Variants in GYS1 observed in about 807,000 individuals in gnomAD.
GYS1 encodes the protein glycogen synthase 1.
Under a neutral mutation model 89.1 loss-of-function variants are expected in GYS1, and 60 were observed. The observed-to-expected ratio is 0.67, with a 90% CI of 0.55 to 0.84. GYS1 has a LOEUF of 0.84. Among genes scored for constraint, GYS1 ranks in the 40% least tolerant of loss-of-function variants. The pLI, the probability that GYS1 is intolerant of heterozygous loss-of-function variation, is 0.00. For missense variants in GYS1, 888 were observed against 1,003.1 expected, an observed-to-expected ratio of 0.89 and a Z score of 1.55; for synonymous variants, 366 against 401.7, an observed-to-expected ratio of 0.91 and a Z score of 1.06.
intron 8 of GYS1, among the ~76,000 whole-genome samples, chr19:48,979,336 CTTTTTTTTTTTTTTTTTTTTTTTTTTT>C (rs777178030): frequency 3.0e-4 from 28 of 92,772 alleles, no homozygotes; most frequent in African/African-American, 8.7e-4. Context: ...TTTTTCTTTT[CTTTTTTTTTTTTTTTTTTTTTTTTTTT>C]TTTTTTTTTT....
intron 5 of GYS1, among the ~76,000 whole-genome samples, chr19:48,985,043 G>A (rs1019513449): frequency 6.6e-6 from 1 of 151,990 alleles, no homozygotes; most frequent in East Asian, 1.9e-4. Context: ...TTTATTTTTT[G>A]AGACAGGGTC....
At chr19:48,970,170 A>G (rs939653431) in intron 14 of GYS1, 5 of 475,870 alleles carry the variant, frequency 1.1e-5, no homozygotes, top group African/African-American at 9.8e-5. Context: ...TTACTCTAGG[A>G]TGGAGTGCAG....
In GYS1 at chr19:48,985,512, C is replaced by CAGT. The variant is rs2038828987; in HGVS notation, c.769_771dup (p.Thr257dup). 3 of 1,614,036 alleles carry CAGT rather than the reference C, an allele frequency of 1.9e-6. No individual in the cohort carries two copies. Among genetic ancestry groups the CAGT allele is most frequent in the Non-Finnish European group, 2.5e-6 (3 of 1,180,050 alleles). On this transcript the variant is annotated inframe_insertion, in exon 5 of 16. Coordinates refer to ENST00000323798, the MANE Select transcript of GYS1 (RefSeq NM_002103.5). ...GCCTCGATGGCGGTGATCTGGGACA[C>CAGT]AGTAGTGAAGACGTGAGCGCAGTGG...
intron 3 of GYS1, 45 bp downstream of exon 3, chr19:48,987,149 C>T (rs772422251): frequency 1.6e-5 from 22 of 1,369,184 alleles, no homozygotes; most frequent in Non-Finnish European, 2.3e-5. Context: ...GGCTGATGGT[C>T]ATTGTAGTTT....
intron 12 of GYS1, 55 bp from the exon 13 acceptor site, chr19:48,971,078 A>T (rs2038558280): frequency 6.6e-6 from 8 of 1,220,738 alleles, no homozygotes; most frequent in Non-Finnish European, 9.7e-6. Flanking sequence ...CTACCGTCTT[A>T]ATCGCAATAG....
rs760988313 is a variant in GYS1 at position 48,991,498 on chromosome 19, G to A, written c.119-15C>T. 2.0e-5 allele frequency: 32 copies of A among 1,613,064 alleles called. No individual in the cohort carries two copies. Among genetic ancestry groups the A allele is most frequent in the South Asian group, 5.5e-5 (5 of 91,062 alleles). On this transcript the variant is annotated splice_polypyrimidine_tract_variant and intron_variant, in intron 1 of 15. Coordinates refer to ENST00000323798, the MANE Select transcript of GYS1 (RefSeq NM_002103.5). This position sits in a 1 kb window ranked among gnomAD's most constrained non-coding sequence, Gnocchi z 4.7. The stretch of plus-strand genomic sequence containing the variant: ...GATGCCACCCACTGTGGGCCCAAGC[G>A]TGTGAGGGCAGGCCCCGGCCGAGGT...
chr19:48,973,505 A>ATTTTTT (rs34032782), intron 12 of GYS1, among the ~76,000 whole-genome samples: 1 of 120,616 alleles, frequency 8.3e-6, no homozygotes, highest in Non-Finnish European at 1.7e-5. Flanking sequence ...TTTAGCTTTA[A>ATTTTTT]TTTTTTTTTT....
At chr19:48,981,392 G>A (rs1023139583) in intron 8 of GYS1, 138 bp downstream of exon 8, 8 of 687,238 alleles carry the variant, frequency 1.2e-5, no homozygotes, top group African/African-American at 3.5e-5. Flanking sequence ...CAGCCTGGGC[G>A]ACAGAGTGAG....
Position 48,970,252 on chromosome 19 carries a change from G to A in GYS1, c.1809+294C>T, listed in dbSNP as rs76729751. The A allele has an allele frequency of 0.013, 6,019 of 469,634 alleles. 193 individuals are homozygous for A. The highest frequency in any genetic ancestry group is 0.1 in the East Asian group (2,396 of 23,586). 29.1% of individuals were successfully genotyped at this position (469,634 alleles called of 1,614,324 possible). A position where few individuals can be genotyped will look rare whatever the true frequency, so the allele number is the denominator to read the frequency against. ...CGACCCTACCACCTCAGCCTCCCCA[G>A]TAGCTGGGACTACAGGCACGCACCA... On this transcript the variant is annotated intron_variant, in intron 14 of 15. Coordinates refer to ENST00000323798, the MANE Select transcript of GYS1 (RefSeq NM_002103.5).
chr19:48,982,035 C>T (rs894959385), intron 7 of GYS1, among the ~76,000 whole-genome samples: 2 of 151,922 alleles, frequency 1.3e-5, no homozygotes, highest in Non-Finnish European at 2.9e-5. Context: ...TGGGACTACA[C>T]GTGTGAGCCA....
chr19:48,985,812 A>C, intron 4 of GYS1, 38 bp downstream of exon 4: 2 of 1,608,144 alleles, frequency 1.2e-6, no homozygotes, highest in South Asian at 1.1e-5. Context: ...TTTTCCTGGC[A>C]TACTCGCAGT....
rs779008622 is a variant in GYS1, at chr19:48,991,470, G to A, written c.132C>T (p.Tyr44=). 6.2e-7 allele frequency: 1 copy of A among 1,610,828 alleles called. No individual in the cohort carries two copies. Among genetic ancestry groups the A allele is most frequent in the Admixed American group, 1.7e-5 (1 of 59,918 alleles). The change falls in exon 2 of 16, where the codon TAC becomes TAT. Residue 44 remains tyrosine, a synonymous_variant. Coordinates refer to ENST00000323798, the MANE Select transcript of GYS1 (RefSeq NM_002103.5). This position sits in a 1 kb window ranked among gnomAD's most constrained non-coding sequence, Gnocchi z 4.7. ...WEVANKVGGI[Y]TVLQTKAKVT... ...CCTTCGCCTTCGTCTGCAGCACCGT[G>A]TAGATGCCACCCACTGTGGGCCCAA... is the stretch of plus-strand genomic sequence containing the variant.
rs749639909 is a variant in GYS1 at position 48,991,252 on chromosome 19, C to T, written c.300+50G>A. 2.8e-5 allele frequency: 44 copies of T among 1,590,552 alleles called. No homozygotes were observed. Among genetic ancestry groups the T allele is most frequent in the Middle Eastern group, 1.7e-4 (1 of 6,056 alleles). ...CCCTCTCCGTCTGTGGCTCCCACCC[C>T]GATGGCAGGCTGTCCACCCGCTTCT... On this transcript the variant is annotated intron_variant, in intron 2 of 15. Coordinates refer to ENST00000323798, the MANE Select transcript of GYS1 (RefSeq NM_002103.5). The surrounding 1 kb of genome is among the most constrained non-coding windows in gnomAD (Gnocchi z 4.7).
At position 48,993,038 on chromosome 19, in the gene GYS1, C is replaced by T. The variant is rs2038965070; in HGVS notation, c.75G>A (p.Glu25=). ...LEDWEDEFDL[E]NAVLFEVAWE... ...AGGCCACTTCGAAGAGCACTGCGTT[C>T]TCCAGGTCGAATTCATCCTCCCAGT... is the stretch of plus-strand genomic sequence containing the variant. Residue 25 remains glutamate (E), a synonymous_variant, in exon 1 of 16, where the codon GAG becomes GAA. Transcript: ENST00000323798. 2 of 1,613,492 alleles carry T rather than the reference C, an allele frequency of 1.2e-6. No individual in the cohort carries two copies. Among genetic ancestry groups the T allele is most frequent in the African/African-American group, 2.7e-5 (2 of 74,924 alleles).
chr19:48,972,050 GC>G (rs1227255900), intron 12 of GYS1, among the ~76,000 whole-genome samples: 4 of 150,920 alleles, frequency 2.7e-5, no homozygotes, highest in African/African-American at 9.7e-5. Flanking sequence ...AAAAAAAAAG[GC>G]CGGGCACGGT....
intron 8 of GYS1, among the ~76,000 whole-genome samples, chr19:48,978,827 G>A (rs1032939520): frequency 2.6e-5 from 4 of 152,122 alleles, no homozygotes; most frequent in East Asian, 1.9e-4. Flanking sequence ...GAGCTGCCGC[G>A]CCCAGCTACC....
At chr19:48,984,719 G>C (rs1170973491) in intron 5 of GYS1, among the ~76,000 whole-genome samples, 1 of 151,780 alleles carries the variant, frequency 6.6e-6, no homozygotes, top group Non-Finnish European at 1.5e-5. Context: ...TATAAAATAG[G>C]TTTGTATTAA....
chr19:48,981,800 A>G (rs1600143340), intron 7 of GYS1, among the ~76,000 whole-genome samples, 164 bp from the exon 8 acceptor site: 1 of 149,538 alleles, frequency 6.7e-6, no homozygotes, highest in African/African-American at 2.5e-5. Context: ...GGGTCTCTAT[A>G]CTCCCCTCAC....
chr19:48,982,445 TC>T, intron 6 of GYS1, 70 bp from the exon 7 acceptor site: 1 of 1,587,254 alleles, frequency 6.3e-7, no homozygotes, highest in Non-Finnish European at 8.6e-7. Context: ...AAACTACAAA[TC>T]CCAGAAGCTA....
Sources: allele counts gnomAD v4.1 joint callset (sites outside exome capture counted in the v4.1 genomes callset), GRCh38; gene constraint gnomAD v4.1.1; non-coding constraint Gnocchi (gnomAD v3.1); transcripts MANE v1.5; gene names NCBI Gene and HGNC (gene_info 2026-07-23, HGNC 2026-07-21).